Variants in COL4A4 observed in about 807,000 individuals in gnomAD.
COL4A4 encodes the protein collagen alpha-4(IV) chain.
A neutral mutation model predicts 192.9 loss-of-function variants in COL4A4; 105 were observed. That is an observed-to-expected ratio of 0.54 (90% confidence interval 0.46 to 0.64). COL4A4 has a LOEUF of 0.64. Among genes scored for constraint, COL4A4 ranks in the 30% least tolerant of loss-of-function variants. The pLI, the probability that COL4A4 is intolerant of heterozygous loss-of-function variation, is 0.00. For missense variants in COL4A4, 1,967 were observed against 2,169.3 expected, an observed-to-expected ratio of 0.91 and a Z score of 1.85; for synonymous variants, 762 against 769.9, an observed-to-expected ratio of 0.99 and a Z score of 0.17.
chr2:226,979,877 G>A, the COL4A4 span, among the ~76,000 whole-genome samples: 1 of 152,202 alleles, frequency 6.6e-6, no homozygotes, highest in Non-Finnish European at 1.5e-5. Flanking sequence ...CATGATACAG[G>A]TGACTCAAAC....
intron 23 of COL4A4, among the ~76,000 whole-genome samples, 173 bp from the exon 24 acceptor site, chr2:227,080,722 C>T (rs906200586): frequency 1.3e-5 from 2 of 152,126 alleles, no homozygotes; most frequent in African/African-American, 4.8e-5. Flanking sequence ...ATGACAATTG[C>T]TAGAACCATT....
chr2:227,082,048 A>T, intron 23 of COL4A4, 67 bp downstream of exon 23: 1 of 1,294,784 alleles, frequency 7.7e-7, no homozygotes, highest in Non-Finnish European at 1.1e-6. Flanking sequence ...AGGGGAAATT[A>T]CTGCAAGAGG....
intron 25 of COL4A4, among the ~76,000 whole-genome samples, chr2:227,072,115 C>T (rs868342158): frequency 6.6e-6 from 1 of 151,372 alleles, no homozygotes; most frequent in South Asian, 2.1e-4. Flanking sequence ...GTTAAAAAGC[C>T]GTTTCCTTGA....
intron 25 of COL4A4, among the ~76,000 whole-genome samples, chr2:227,070,764 T>C (rs1259390945): frequency 4.0e-5 from 6 of 151,294 alleles, no homozygotes; most frequent in Admixed American, 4.0e-4. Context: ...TTAGGAGTTA[T>C]ACCTAATGCT....
At chr2:227,094,538 G>A (rs1559607341) in intron 19 of COL4A4, among the ~76,000 whole-genome samples, 1 of 152,150 alleles carries the variant, frequency 6.6e-6, no homozygotes, top group Non-Finnish European at 1.5e-5. Flanking sequence ...GTTCCCAGGG[G>A]CTGGGGGAAG....
At chr2:226,988,861 A>G in the COL4A4 span, 5 of 236,234 alleles carry the variant, frequency 2.1e-5, no homozygotes, top group Non-Finnish European at 3.4e-5. Context: ...GCCAAACCTT[A>G]CTCCTTGTCA....
Position 227,030,549 on chromosome 2 carries a change from C to G in COL4A4, c.3867G>C (p.Gly1289=), listed in dbSNP as rs2149957075. ...GLPGSVDLLR[G]EPGDCGLPGP... ...CTGGTAGACCACAGTCACCTGGCTC[C>G]CCTCTCAGAAGGTCAACACTCCCAG... The change falls in exon 41 of 48, where the codon GGG becomes GGC. Residue 1289 remains glycine, a synonymous_variant. Coordinates refer to ENST00000396625, the MANE Select transcript of COL4A4 (RefSeq NM_000092.5). The G allele has an allele frequency of 5.6e-6, 9 of 1,613,934 alleles. No homozygotes were observed. The highest frequency in any genetic ancestry group is 6.8e-6 in the Non-Finnish European group (8 of 1,179,906).
At chr2:227,120,905 T>C (rs989272944) in intron 5 of COL4A4, 109 bp downstream of exon 5, 40 of 1,442,124 alleles carry the variant, frequency 2.8e-5, no homozygotes, top group African/African-American at 2.2e-4. Flanking sequence ...CACCACTGCA[T>C]TCTAGCCTGA....
In COL4A4 at chr2:227,082,074, T is replaced by A. The variant is rs776582173; in HGVS notation, c.1696+41A>T. 5.2e-6 allele frequency: 8 copies of A among 1,527,142 alleles called. No homozygotes were observed. In the South Asian group the frequency reaches 9.0e-5, roughly 17 times the overall value. The allele number at this position is 1,527,142 out of a possible 1,614,324, so 94.6% of individuals were successfully genotyped here. A position where few individuals can be genotyped will look rare whatever the true frequency, so the allele number is the denominator to read the frequency against. ...CTGCAAGAGGAGGGTCCATACATCA[T>A]TCATAAAATGGCAGGGAGTTAAGTG... On this transcript the variant is annotated intron_variant, in intron 23 of 47. Transcript: ENST00000396625.
rs1962314018 is a variant in COL4A4, at chr2:227,007,158, C to T, written c.*167G>A. On this transcript the variant is annotated 3_prime_UTR_variant, in exon 48 of 48. Transcript: ENST00000396625. Reference sequence around the variant, plus strand: ...AACAAATCCATCTGTGCAGCATTTGCTTAATGTGTAAGGAACCAGAGGACT... The same window carrying T: ...AACAAATCCATCTGTGCAGCATTTGTTTAATGTGTAAGGAACCAGAGGACT... 1 of 939,000 alleles carries T rather than the reference C, an allele frequency of 1.1e-6. No individual in the cohort carries two copies. Among genetic ancestry groups the T allele is most frequent in the Non-Finnish European group, 1.7e-6 (1 of 580,964 alleles). 58.2% of individuals were successfully genotyped at this position (939,000 alleles called of 1,614,324 possible). A position where few individuals can be genotyped will look rare whatever the true frequency, so the allele number is the denominator to read the frequency against.
chr2:227,108,951 G>T (rs1353173060), intron 10 of COL4A4, 83 bp from the exon 11 acceptor site: 4 of 1,308,608 alleles, frequency 3.1e-6, no homozygotes, highest in South Asian at 2.4e-5. Flanking sequence ...CCAAAATAGG[G>T]TCCTATTTAG....
In COL4A4 at chr2:227,006,988, A is replaced by G; in HGVS notation, c.*337T>C. 5.7e-6 allele frequency: 2 copies of G among 352,950 alleles called. No homozygotes were observed. The highest frequency in any genetic ancestry group is 1.1e-5 in the Non-Finnish European group (2 of 184,904). 21.9% of individuals were successfully genotyped at this position (352,950 alleles called of 1,614,324 possible). ...TGTTTGAGATACTGTTAACCCAAGAATGAAGTTTTCAGTAATGTAATTTGT... is the reference window on the plus strand; with the variant it reads ...TGTTTGAGATACTGTTAACCCAAGAGTGAAGTTTTCAGTAATGTAATTTGT... On this transcript the variant is annotated 3_prime_UTR_variant, in exon 48 of 48. Transcript: ENST00000396625.
intron 41 of COL4A4, among the ~76,000 whole-genome samples, chr2:227,028,486 A>C (rs1469678283): frequency 6.6e-6 from 1 of 152,162 alleles, no homozygotes; most frequent in South Asian, 2.1e-4. Flanking sequence ...GATAAGACCC[A>C]GTTTCATTTT....
intron 20 of COL4A4, among the ~76,000 whole-genome samples, chr2:227,092,012 C>A (rs1263357648): frequency 5.9e-5 from 9 of 151,986 alleles, no homozygotes; most frequent in African/African-American, 1.9e-4. Context: ...CAAGCCAGTA[C>A]AAATGTACCC....
the COL4A4 span, among the ~76,000 whole-genome samples, chr2:226,982,156 G>GA: frequency 6.6e-6 from 1 of 152,248 alleles, no homozygotes. Flanking sequence ...GGGCTGGGAG[G>GA]TTCCCAGTGA....
intron 25 of COL4A4, among the ~76,000 whole-genome samples, chr2:227,066,750 T>C (rs1271811946): frequency 6.6e-5 from 10 of 151,498 alleles, no homozygotes; most frequent in East Asian, 1.9e-4. Context: ...CGGTACCAGC[T>C]GCTGCAAAAT....
the COL4A4 span, among the ~76,000 whole-genome samples, chr2:226,973,141 C>G: frequency 1.3e-5 from 2 of 152,120 alleles, no homozygotes; most frequent in Non-Finnish European, 2.9e-5. Flanking sequence ...TTCAGTATTT[C>G]CTTTTTGCAG....
At position 227,030,461 on chromosome 2, in the gene COL4A4, C is replaced by T; in HGVS notation, c.3955G>A (p.Gly1319Arg). The T allele has an allele frequency of 3.7e-6, 6 of 1,614,108 alleles. No individual in the cohort carries two copies. Among genetic ancestry groups the T allele is most frequent in the Non-Finnish European group, 4.2e-6 (5 of 1,180,026 alleles). The change falls in exon 41 of 48, where the codon GGA (glycine) becomes AGA (arginine). Residue 1319 changes from glycine to arginine, a missense_variant. Transcript: ENST00000396625. Reference protein sequence around the residue: ...PGYKGFPGCDGKDGQKGPVGF... With the variant: ...PGYKGFPGCDRKDGQKGPVGF... ...TTCATACCTTTCTGGCCATCTTTTC[C>T]ATCACATCCTGGAAAGCCTTTGTAT...
chr2:227,131,923 A>C (rs1032305571), intron 4 of COL4A4, among the ~76,000 whole-genome samples: 2 of 152,234 alleles, frequency 1.3e-5, no homozygotes, highest in African/African-American at 4.8e-5. Flanking sequence ...GGCAAGGAGC[A>C]GGTTCTCCCC....
Sources: gnomAD v4.1 joint callset for allele counts (sites outside exome capture counted in the v4.1 genomes callset) on GRCh38, gnomAD v4.1.1 for gene constraint, MANE v1.5 for transcripts, NCBI Gene and HGNC (gene_info 2026-07-23, HGNC 2026-07-21) for gene names.